L3MBTL4: variants seen among roughly 807,000 people sequenced by gnomAD.
L3MBTL4 encodes L3MBTL histone methyl-lysine binding protein 4.
Under a neutral mutation model 84.5 loss-of-function variants are expected in L3MBTL4, and 70 were observed. That is an observed-to-expected ratio of 0.83 (90% CI 0.68 to 1.01). The LOEUF is 1.01. Ranked by LOEUF, L3MBTL4 falls within the 50% of genes least tolerant of loss-of-function variation. L3MBTL4 has a pLI of 0.00. For synonymous variants in L3MBTL4, 274 were observed against 259.8 expected, an observed-to-expected ratio of 1.05 and a Z score of -0.52; for missense variants, 715 against 754.8, an observed-to-expected ratio of 0.95 and a Z score of 0.62.
At chr18:5,957,573 G>A (rs541405517) in intron 18 of L3MBTL4, among the ~76,000 whole-genome samples, 5 of 151,994 alleles carry the variant, frequency 3.3e-5, no homozygotes, top group African/African-American at 9.7e-5. Flanking sequence ...CCTGGCTCCA[G>A]AACCAAGAAG....
At chr18:5,997,937 A>T (rs1175286040) in intron 16 of L3MBTL4, among the ~76,000 whole-genome samples, 1 of 152,154 alleles carries the variant, frequency 6.6e-6, no homozygotes, top group Non-Finnish European at 1.5e-5. Flanking sequence ...CCTGGAACCA[A>T]TCCCCCAGGG....
intron 13 of L3MBTL4, among the ~76,000 whole-genome samples, chr18:6,152,809 A>G (rs1377436616): frequency 6.6e-6 from 1 of 152,122 alleles, no homozygotes; most frequent in Non-Finnish European, 1.5e-5. Context: ...CACTATCAAA[A>G]CCAATGTCTT....
At chr18:6,379,098 AC>A (rs1191073495) in intron 1 of L3MBTL4, among the ~76,000 whole-genome samples, 1 of 152,066 alleles carries the variant, frequency 6.6e-6, no homozygotes, top group African/African-American at 2.4e-5. Context: ...ATAAGAGTTC[AC>A]TCATGATTTG....
intron 16 of L3MBTL4, among the ~76,000 whole-genome samples, chr18:5,997,156 T>C (rs887216629): frequency 6.0e-5 from 9 of 150,652 alleles, no homozygotes; most frequent in South Asian, 4.1e-4. Context: ...TTACGCTGTG[T>C]TAGGTATAAG....
chr18:6,394,831 T>C (rs1487032509), intron 1 of L3MBTL4: 1 of 152,114 alleles, frequency 6.6e-6, no homozygotes, highest in Non-Finnish European at 1.5e-5. Context: ...TACAAGACTA[T>C]TTTTAACTTT....
chr18:5,957,481 C>T (rs609014), intron 18 of L3MBTL4, among the ~76,000 whole-genome samples: 12,112 of 151,780 alleles, frequency 0.08, 703 homozygotes, highest in Middle Eastern at 0.16. Context: ...CTTTCCCCAG[C>T]TTCTGGATGC....
chr18:5,981,898 C>T (rs1173892408), intron 16 of L3MBTL4, among the ~76,000 whole-genome samples: 1 of 151,758 alleles, frequency 6.6e-6, no homozygotes, highest in Non-Finnish European at 1.5e-5. Context: ...ATAAATATCT[C>T]CCGATGCAAC....
At chr18:5,972,535 G>A (rs1410656327) in intron 16 of L3MBTL4, among the ~76,000 whole-genome samples, 2 of 152,182 alleles carry the variant, frequency 1.3e-5, no homozygotes, top group African/African-American at 4.8e-5. Context: ...AACCTCTTGA[G>A]GTCAGGATTG....
chr18:6,336,419 A>G (rs2052342187), intron 1 of L3MBTL4, among the ~76,000 whole-genome samples: 1 of 152,214 alleles, frequency 6.6e-6, no homozygotes, highest in Non-Finnish European at 1.5e-5. Flanking sequence ...TTACTCTAAT[A>G]TTTAGCAAGG....
chr18:6,374,141 C>T (rs1159250503), intron 1 of L3MBTL4, among the ~76,000 whole-genome samples: 1 of 152,196 alleles, frequency 6.6e-6, no homozygotes, highest in Non-Finnish European at 1.5e-5. Context: ...CACACTCCTG[C>T]TACATCTTCC....
At chr18:5,997,498 G>A (rs1408891380) in intron 16 of L3MBTL4, among the ~76,000 whole-genome samples, 2 of 152,306 alleles carry the variant, frequency 1.3e-5, no homozygotes, top group East Asian at 1.9e-4. Flanking sequence ...CAAGGCATAA[G>A]TGACTATCCC....
intron 16 of L3MBTL4, among the ~76,000 whole-genome samples, chr18:6,053,544 G>A (rs1419534305): frequency 6.6e-6 from 1 of 152,196 alleles, no homozygotes; most frequent in East Asian, 1.9e-4. Context: ...TTACTTCTGT[G>A]AGGATGCCTG....
chr18:6,197,909 G>A (rs1221881157), intron 12 of L3MBTL4, among the ~76,000 whole-genome samples: 9 of 152,214 alleles, frequency 5.9e-5, no homozygotes, highest in Admixed American at 4.6e-4. Flanking sequence ...GCCCAGAAGC[G>A]TCTGTTAGGT....
At chr18:6,388,845 T>C (rs926008843) in intron 1 of L3MBTL4, among the ~76,000 whole-genome samples, 13 of 152,006 alleles carry the variant, frequency 8.6e-5, no homozygotes, top group Admixed American at 3.3e-4. Flanking sequence ...CCCCAACACA[T>C]GCAACAGAGC....
intron 16 of L3MBTL4, among the ~76,000 whole-genome samples, chr18:6,071,714 AAGG>A (rs2057621555): frequency 1.6e-5 from 1 of 61,718 alleles, no homozygotes; most frequent in African/African-American, 8.5e-5. Flanking sequence ...AGAAAGAAAG[AAGG>A]AAAGAAAGAA....
intron 12 of L3MBTL4, among the ~76,000 whole-genome samples, chr18:6,184,808 G>A (rs532115327): frequency 1.1e-4 from 16 of 152,276 alleles, no homozygotes; most frequent in Non-Finnish European, 2.2e-4. Context: ...AGAACCCCGC[G>A]TAAAAGTGAA....
At chr18:6,382,150 G>A (rs1249323284) in intron 1 of L3MBTL4, among the ~76,000 whole-genome samples, 1 of 151,988 alleles carries the variant, frequency 6.6e-6, no homozygotes, top group Non-Finnish European at 1.5e-5. Flanking sequence ...TATGCTTCAC[G>A]AAGTTCTCGT....
intron 1 of L3MBTL4, among the ~76,000 whole-genome samples, chr18:6,371,097 G>A (rs973846612): frequency 6.6e-6 from 1 of 152,136 alleles, no homozygotes. Context: ...GGCTTTGAGG[G>A]TCATAGTCCC....
intron 14 of L3MBTL4, among the ~76,000 whole-genome samples, chr18:6,133,868 G>A (rs533737136): frequency 4.8e-4 from 73 of 152,200 alleles, no homozygotes; most frequent in Non-Finnish European, 9.4e-4. Flanking sequence ...AAATGGTGGA[G>A]TTTAACTGGC....
Sources: gnomAD v4.1 joint callset for allele counts (sites outside exome capture counted in the v4.1 genomes callset) on GRCh38, gnomAD v4.1.1 for gene constraint, MANE v1.5 for transcripts, NCBI Gene and HGNC (gene_info 2026-07-23, HGNC 2026-07-21) for gene names.